FARP1: variants seen among roughly 807,000 people sequenced by gnomAD.
The protein encoded by FARP1 is FERM, ARH/RhoGEF and pleckstrin domain protein 1, also known as FERM, ARHGEF and pleckstrin domain-containing protein 1.
A neutral mutation model predicts 128.8 loss-of-function variants in FARP1; 52 were observed. The ratio of observed to expected loss-of-function variants is 0.40; its 90% CI spans 0.32 to 0.51. The LOEUF (loss-of-function observed/expected upper bound fraction) is 0.51, where lower values mean the gene tolerates loss of function less well. Ranked by LOEUF, FARP1 falls within the 20% of genes least tolerant of loss-of-function variation. FARP1 has a pLI of 0.45. For synonymous variants in FARP1, 580 were observed against 551.8 expected, an observed-to-expected ratio of 1.05 and a Z score of -0.72; for missense variants, 1,333 against 1,367.9, an observed-to-expected ratio of 0.97 and a Z score of 0.40.
chr13:98,176,293 TGAA>T lies in FARP1; in HGVS notation c.-24+32803_-24+32805del. ...GGACTTGCCCCCACCTTCTGCAGCC[TGAA>T]GCTTTTGCAGTTTCGCCATCAGTTC... is the stretch of plus-strand genomic sequence containing the variant. On this transcript the variant is annotated intron_variant, in intron 1 of 26. Coordinates refer to ENST00000319562, the MANE Select transcript of FARP1 (RefSeq NM_005766.4). This position sits in a 1 kb window ranked among gnomAD's most constrained non-coding sequence, Gnocchi z 6.2. 1 of 1,612,580 alleles carries T rather than the reference TGAA, an allele frequency of 6.2e-7. No homozygotes were observed. Among genetic ancestry groups the T allele is most frequent in the Non-Finnish European group, 8.5e-7 (1 of 1,178,836 alleles).
chr13:98,268,778 T>TTGTGTGTGTGTGTGTG (rs59132299), intron 2 of FARP1, among the ~76,000 whole-genome samples: 49 of 148,284 alleles, frequency 3.3e-4, no homozygotes, highest in East Asian at 1.4e-3. Flanking sequence ...TTTCCCTTCT[T>TTGTGTGTGTGTGTGTG]TGTGTGTGTG....
chr13:98,419,366 C>T (rs775337032), intron 16 of FARP1, among the ~76,000 whole-genome samples: 1 of 151,922 alleles, frequency 6.6e-6, no homozygotes, highest in South Asian at 2.1e-4. Flanking sequence ...CCCAGCTACT[C>T]GGGAGGCAGA....
intron 2 of FARP1, among the ~76,000 whole-genome samples, chr13:98,277,131 C>CACACACACACACAG: frequency 6.7e-6 from 1 of 148,272 alleles, no homozygotes; most frequent in Admixed American, 6.8e-5. Flanking sequence ...CACACACACA[C>CACACACACACACAG]ACACACACAC....
Position 98,176,946 on chromosome 13 carries a change from G to T in FARP1, c.-24+33454G>T. On this transcript the variant is annotated intron_variant, in intron 1 of 26. Coordinates refer to ENST00000319562, the MANE Select transcript of FARP1 (RefSeq NM_005766.4). This position sits in a 1 kb window ranked among gnomAD's most constrained non-coding sequence, Gnocchi z 6.2. ...CTGGCCCCACAGGCTTCGCCGAGCG[G>T]GTGGACCTGTACACCACGTCGAGGC... 1 of 1,602,448 alleles carries T rather than the reference G, an allele frequency of 6.2e-7. No homozygotes were observed.
At chr13:98,198,630 A>G (rs1036721584) in intron 1 of FARP1, among the ~76,000 whole-genome samples, 3 of 151,922 alleles carry the variant, frequency 2.0e-5, no homozygotes, top group Non-Finnish European at 4.4e-5. Context: ...TAATCCCAGC[A>G]TTTTGGAAGG....
In FARP1 at chr13:98,348,686, G is replaced by A. The variant is rs535266142; in HGVS notation, c.276+4820G>A. On this transcript the variant is annotated intron_variant, in intron 3 of 26. Coordinates refer to ENST00000319562, the MANE Select transcript of FARP1 (RefSeq NM_005766.4). ...TGTGTTCCAATACAGCTTTATTTATGGGCACAGAGATTTGGCTTTTATATA... is the reference window on the plus strand; with the variant it reads ...TGTGTTCCAATACAGCTTTATTTATAGGCACAGAGATTTGGCTTTTATATA... Among the ~76,000 whole-genome samples the A allele has an allele frequency of 4.6e-5, 7 of 152,340 alleles. No individual in the cohort carries two copies. The East Asian group carries it at 1.3e-3, about 29-fold the overall frequency.
Position 98,431,262 on chromosome 13 carries a change from G to A in FARP1, c.2125G>A (p.Asp709Asn), listed in dbSNP as rs762547925. Residue 709 changes from aspartate (D) to asparagine (N), a missense_variant, in exon 18 of 27, where the codon GAC becomes AAC. Physicochemically the swap from Asp to Asn is conservative, Grantham distance 23 (BLOSUM62 1). Coordinates refer to ENST00000319562, the MANE Select transcript of FARP1 (RefSeq NM_005766.4). ...CAAACACCACCCGCCGAGCCACGCC[G>A]ACTTCAGGGACTGCCGAGGTGAGTG... ...LCKHHPPSHA[D>N]FRDCRAALAE... 3.8e-6 allele frequency: 6 copies of A among 1,589,210 alleles called. No individual in the cohort carries two copies. The highest frequency in any genetic ancestry group is 5.1e-6 in the Non-Finnish European group (6 of 1,168,502).
chr13:98,155,669 C>T (rs2139111567), intron 1 of FARP1, among the ~76,000 whole-genome samples: 1 of 152,222 alleles, frequency 6.6e-6, no homozygotes, highest in South Asian at 2.1e-4. Flanking sequence ...CAGGTGTGCA[C>T]CACCACACCT....
intron 2 of FARP1, among the ~76,000 whole-genome samples, chr13:98,326,758 T>G (rs1336131436): frequency 1.3e-5 from 2 of 152,234 alleles, no homozygotes; most frequent in African/African-American, 4.8e-5. Context: ...AGTTAGATGG[T>G]GAAGGCAGAT....
chr13:98,207,839 C>G (rs1281915476), intron 1 of FARP1, among the ~76,000 whole-genome samples: 1 of 149,934 alleles, frequency 6.7e-6, no homozygotes, highest in Non-Finnish European at 1.5e-5. Flanking sequence ...GTAATTTTGC[C>G]TGGCTTGTGA....
At chr13:98,379,214 AATATATAATCTATCT>A (rs1889791345) in intron 6 of FARP1, among the ~76,000 whole-genome samples, 1 of 70,864 alleles carries the variant, frequency 1.4e-5, no homozygotes, top group Non-Finnish European at 2.7e-5. Flanking sequence ...TATAATATAT[AATATATAATCTATCT>A]ATATATAATC....
intron 1 of FARP1, among the ~76,000 whole-genome samples, chr13:98,183,577 A>C (rs113947824): frequency 1.5e-3 from 229 of 152,306 alleles, no homozygotes; most frequent in African/African-American, 5.4e-3. Flanking sequence ...ATTTCTGAAC[A>C]GCGGGCACTG....
At chr13:98,377,715 C>T (rs969685012) in intron 5 of FARP1, 106 bp from the exon 6 acceptor site, 14 of 743,340 alleles carry the variant, frequency 1.9e-5, no homozygotes, top group Non-Finnish European at 2.9e-5. Context: ...ATGCAGACTT[C>T]GTGGTTGGGG....
At chr13:98,318,601 C>G (rs1354313695) in intron 2 of FARP1, among the ~76,000 whole-genome samples, 3 of 152,160 alleles carry the variant, frequency 2.0e-5, no homozygotes, top group African/African-American at 7.2e-5. Context: ...CTGGCATCTC[C>G]CTGGTAGAAG....
chr13:98,171,629 C>G (rs1356545158), intron 1 of FARP1, among the ~76,000 whole-genome samples: 1 of 152,022 alleles, frequency 6.6e-6, no homozygotes, highest in African/African-American at 2.4e-5. Flanking sequence ...TTTATTTTAC[C>G]AAGGTATAAC....
intron 1 of FARP1, among the ~76,000 whole-genome samples, chr13:98,188,661 G>A (rs1443178183): frequency 2.0e-5 from 3 of 152,200 alleles, no homozygotes; most frequent in Non-Finnish European, 4.4e-5. Context: ...TGCTTCCTGG[G>A]TTGCCCAGGC....
intron 2 of FARP1, among the ~76,000 whole-genome samples, chr13:98,293,722 C>A (rs1264720974): frequency 6.6e-6 from 1 of 152,182 alleles, no homozygotes; most frequent in Non-Finnish European, 1.5e-5. Context: ...GAGAAGGTGA[C>A]CTCCCTGAGC....
chr13:98,307,691 G>A (rs569922441), intron 2 of FARP1, among the ~76,000 whole-genome samples: 1 of 152,046 alleles, frequency 6.6e-6, no homozygotes, highest in Non-Finnish European at 1.5e-5. Flanking sequence ...GTTTCCTCCT[G>A]TTTATCTCTG....
At chr13:98,275,164 A>C (rs979816715) in intron 2 of FARP1, among the ~76,000 whole-genome samples, 25 of 152,276 alleles carry the variant, frequency 1.6e-4, no homozygotes, top group African/African-American at 6.0e-4. Flanking sequence ...TGATTCTGTA[A>C]TAAGTTAATG....
Sources: gnomAD v4.1 joint callset for allele counts (sites outside exome capture counted in the v4.1 genomes callset) on GRCh38, gnomAD v4.1.1 for gene constraint, Gnocchi (gnomAD v3.1) non-coding constraint, MANE v1.5 for transcripts, NCBI Gene and HGNC (gene_info 2026-07-23, HGNC 2026-07-21) for gene names.